Variants in GOLGA1 observed in about 807,000 individuals in gnomAD.
The protein encoded by GOLGA1 is golgin A1.
GOLGA1 carries 63 observed loss-of-function variants against 119.7 expected under a neutral mutation model. That is an observed-to-expected ratio of 0.53 (90% CI 0.43 to 0.65). The LOEUF (loss-of-function observed/expected upper bound fraction) is 0.65. GOLGA1 is among the 30% of genes least tolerant of loss of function. The pLI, the probability that GOLGA1 is intolerant of heterozygous loss-of-function variation, is 0.00. For missense variants in GOLGA1, 798 were observed against 912.8 expected (o/e 0.87, Z 1.62); for synonymous variants, 318 against 333.4 (o/e 0.95, Z 0.50).
At chr9:124,931,224 C>T in intron 4 of GOLGA1, 92 bp downstream of exon 4, 1 of 725,766 alleles carries the variant, frequency 1.4e-6, no homozygotes. Flanking sequence ...GTGAAAATAA[C>T]TATAAAGTCA....
chr9:124,925,905 G>A (rs1830662661), intron 7 of GOLGA1, among the ~76,000 whole-genome samples: 1 of 152,078 alleles, frequency 6.6e-6, no homozygotes, highest in Middle Eastern at 3.2e-3. Context: ...ATTACTTAAG[G>A]TACCTGTACG....
chr9:124,921,026 A>G lies in GOLGA1; in HGVS notation c.843+103T>C, dbSNP rs1564340030. ...CAGGAAATGGAGCCATGTGGACTGC[A>G]TGAGAAATGTATGTTCAGTAGCTAC... is the stretch of plus-strand genomic sequence containing the variant. On this transcript the variant is annotated intron_variant, in intron 10 of 22. Coordinates refer to ENST00000373555, the MANE Select transcript of GOLGA1 (RefSeq NM_002077.4). The G allele has an allele frequency of 1.7e-5, 13 of 747,734 alleles. No homozygotes were observed. In the East Asian group the frequency reaches 3.2e-4, roughly 18 times the overall value. 46.3% of individuals were successfully genotyped at this position (747,734 alleles called of 1,614,324 possible).
At chr9:124,910,769 A>C (rs1830323727) in intron 11 of GOLGA1, among the ~76,000 whole-genome samples, 1 of 152,084 alleles carries the variant, frequency 6.6e-6, no homozygotes, top group Admixed American at 6.5e-5. Context: ...TTTTCATAGG[A>C]GCATGAACCC....
At chr9:124,924,702 T>C (rs1270086001) in intron 7 of GOLGA1, among the ~76,000 whole-genome samples, 1 of 150,638 alleles carries the variant, frequency 6.6e-6, no homozygotes, top group Non-Finnish European at 1.5e-5. Context: ...TGTTACAGTT[T>C]CTAACTCTTG....
intron 4 of GOLGA1, 75 bp downstream of exon 4, chr9:124,931,241 A>G: frequency 1.3e-6 from 1 of 771,196 alleles, no homozygotes. Context: ...GTCATCCTAT[A>G]TGGCTATTTT....
intron 4 of GOLGA1, among the ~76,000 whole-genome samples, chr9:124,931,021 A>G (rs74506858): frequency 0.029 from 4,439 of 152,288 alleles, 229 homozygotes; most frequent in African/African-American, 0.098. Context: ...AAAGCAGGCT[A>G]TGCTAATGGT....
In GOLGA1 at chr9:124,921,896, A is replaced by G; in HGVS notation, c.562-4T>C. The G allele has an allele frequency of 6.2e-7, 1 of 1,610,100 alleles. No homozygotes were observed. Among genetic ancestry groups the G allele is most frequent in the Non-Finnish European group, 8.5e-7 (1 of 1,177,508 alleles). On this transcript the variant is annotated splice_polypyrimidine_tract_variant and splice_region_variant and intron_variant, in intron 8 of 22. Transcript: ENST00000373555. ...GACTTTCTTCTTTTTTTAAAAGCTG[A>G]CACAAAAATACAAAGTTTCATTGGG...
intron 15 of GOLGA1, among the ~76,000 whole-genome samples, chr9:124,892,517 A>T (rs1829878967): frequency 6.6e-6 from 1 of 150,770 alleles, no homozygotes; most frequent in African/African-American, 2.4e-5. Flanking sequence ...TGCTCTTGTC[A>T]CCCAGGCTGG....
chr9:124,888,452 A>G lies in GOLGA1; in HGVS notation c.1762-56T>C. The G allele has an allele frequency of 2.6e-6, 4 of 1,510,914 alleles. No homozygotes were observed. The South Asian group carries it at 4.5e-5, about 17-fold the overall frequency. 93.6% of individuals were successfully genotyped at this position (1,510,914 alleles called of 1,614,324 possible). On this transcript the variant is annotated intron_variant, in intron 18 of 22. Transcript: ENST00000373555. The surrounding 1 kb of genome is among the most constrained non-coding windows in gnomAD (Gnocchi z 4.4). ...AGGACAGGTCAGGTGAAGCTGAGCC[A>G]CAGGTACACAGGGAAGGGGAGCTAG...
chr9:124,934,212 C>T (rs1830823114), intron 3 of GOLGA1, among the ~76,000 whole-genome samples: 1 of 152,166 alleles, frequency 6.6e-6, no homozygotes, highest in Non-Finnish European at 1.5e-5. Context: ...ACCTGAGTTC[C>T]TAAGGGCTAC....
At chr9:124,931,058 ATATTAT>A (rs961680378) in intron 4 of GOLGA1, among the ~76,000 whole-genome samples, 2 of 152,186 alleles carry the variant, frequency 1.3e-5, no homozygotes, top group Non-Finnish European at 2.9e-5. Flanking sequence ...TATTGTACAT[ATATTAT>A]TATTATCTTT....
chr9:124,886,987 CCAGGT>C (rs1178168207), intron 19 of GOLGA1, among the ~76,000 whole-genome samples: 2 of 152,156 alleles, frequency 1.3e-5, no homozygotes, highest in African/African-American at 4.8e-5. Context: ...CACTCTCCAG[CCAGGT>C]CTGCCTCCAT....
intron 10 of GOLGA1, among the ~76,000 whole-genome samples, chr9:124,917,523 C>T (rs1564338281): frequency 6.6e-6 from 1 of 152,086 alleles, no homozygotes; most frequent in Non-Finnish European, 1.5e-5. Flanking sequence ...ATAGTTCTTA[C>T]ATTTGTCTAC....
At chr9:124,915,176 G>A (rs981468407) in intron 10 of GOLGA1, among the ~76,000 whole-genome samples, 4 of 152,076 alleles carry the variant, frequency 2.6e-5, no homozygotes. Context: ...GATTCAGACA[G>A]ACATGAGTCT....
intron 6 of GOLGA1, among the ~76,000 whole-genome samples, 179 bp downstream of exon 6, chr9:124,928,009 T>C (rs1369614012): frequency 2.0e-5 from 3 of 152,230 alleles, no homozygotes; most frequent in African/African-American, 7.2e-5. Flanking sequence ...CATTTCATGA[T>C]TAGAACTGTA....
At chr9:124,889,086 C>G in intron 18 of GOLGA1, 57 bp downstream of exon 18, 2 of 1,435,992 alleles carry the variant, frequency 1.4e-6, no homozygotes, top group Non-Finnish European at 9.6e-7. Flanking sequence ...TAGGGGCACT[C>G]TCGGCACCTG....
At chr9:124,936,995 T>C (rs1188095499) in intron 3 of GOLGA1, among the ~76,000 whole-genome samples, 1 of 152,206 alleles carries the variant, frequency 6.6e-6, no homozygotes, top group African/African-American at 2.4e-5. Context: ...GGTTATGCTA[T>C]CCTAAATTGG....
chr9:124,892,320 G>A (rs998917182), intron 15 of GOLGA1, among the ~76,000 whole-genome samples: 2 of 152,032 alleles, frequency 1.3e-5, no homozygotes, highest in African/African-American at 4.8e-5. Flanking sequence ...AGTTTGATTT[G>A]TGCCTTCTTC....
chr9:124,914,154 G>A lies in GOLGA1; in HGVS notation c.844-2128C>T, dbSNP rs146641432. 2.9e-3 allele frequency among the ~76,000 whole-genome samples: 448 copies of A among 152,320 alleles called. 7 individuals carry two copies. Among genetic ancestry groups the A allele is most frequent in the African/African-American group, 0.011 (442 of 41,570 alleles). ...GTTAATACTAGCAATAGTTATAACT[G>A]TAATATAGCAGAAGCAGCTATAACA... On this transcript the variant is annotated intron_variant, in intron 10 of 22. Transcript: ENST00000373555.
Sources: gnomAD v4.1 joint callset for allele counts (sites outside exome capture counted in the v4.1 genomes callset) on GRCh38, gnomAD v4.1.1 for gene constraint, Gnocchi (gnomAD v3.1) non-coding constraint, MANE v1.5 for transcripts, NCBI Gene and HGNC (gene_info 2026-07-23, HGNC 2026-07-21) for gene names.